The following SPAG17 variants were observed in gnomAD, a reference collection of about 807,000 sequenced individuals.
SPAG17 encodes sperm associated antigen 17.
SPAG17 carries 169 observed loss-of-function variants against 273.6 expected under a neutral mutation model. The observed-to-expected ratio is 0.62, with a 90% CI of 0.55 to 0.70. The LOEUF (loss-of-function observed/expected upper bound fraction) is 0.70. Among genes scored for constraint, SPAG17 ranks in the 30% least tolerant of loss-of-function variants. The probability of loss-of-function intolerance (pLI) is 0.00; values close to 1 mark genes in which losing one functional copy is unlikely to be tolerated. For synonymous variants in SPAG17, 825 were observed against 873.2 expected, an observed-to-expected ratio of 0.94 and a Z score of 0.97; for missense variants, 2,557 against 2,627.8, an observed-to-expected ratio of 0.97 and a Z score of 0.59.
chr1:118,079,978 G>A (rs560923580), intron 15 of SPAG17, among the ~76,000 whole-genome samples: 65 of 152,224 alleles, frequency 4.3e-4, no homozygotes, highest in Non-Finnish European at 7.6e-4. Context: ...TCACTAAGAC[G>A]CTATGGTATA....
chr1:118,149,638 T>A (rs1241296674), intron 3 of SPAG17, among the ~76,000 whole-genome samples: 2 of 152,180 alleles, frequency 1.3e-5, no homozygotes, highest in Admixed American at 1.3e-4. Context: ...TGTGAATAAA[T>A]CCAATGAAAC....
intron 25 of SPAG17, 89 bp downstream of exon 25, chr1:118,031,603 A>C (rs1290654928): frequency 1.9e-5 from 25 of 1,329,364 alleles, no homozygotes; most frequent in Non-Finnish European, 2.6e-5. Flanking sequence ...TATGCACTAT[A>C]ATAACACTAT....
intron 20 of SPAG17, 68 bp downstream of exon 20, chr1:118,053,934 C>A: frequency 8.4e-7 from 1 of 1,190,726 alleles, no homozygotes; most frequent in South Asian, 1.4e-5. Flanking sequence ...GCCCCAAAGT[C>A]AACCACTATC....
Position 118,093,331 on chromosome 1 carries a change from A to G in SPAG17, c.1012-14T>C. 6.3e-7 allele frequency: 1 copy of G among 1,594,180 alleles called. No individual in the cohort carries two copies. Among genetic ancestry groups the G allele is most frequent in the Non-Finnish European group, 8.6e-7 (1 of 1,169,066 alleles). On this transcript the variant is annotated splice_polypyrimidine_tract_variant and intron_variant, in intron 7 of 48. Coordinates refer to ENST00000336338, the MANE Select transcript of SPAG17 (RefSeq NM_206996.4). ...GCCCAATTTCAGCTACAAGTGAGAG[A>G]TTTAATGGCAATTGGTTACTAGTTT...
At chr1:117,999,651 T>G (rs559579651) in intron 32 of SPAG17, among the ~76,000 whole-genome samples, 1 of 152,358 alleles carries the variant, frequency 6.6e-6, no homozygotes, top group South Asian at 2.1e-4. Context: ...GTTCATATCC[T>G]GTGCCCACTT....
intron 1 of SPAG17, among the ~76,000 whole-genome samples, chr1:118,159,015 C>T (rs1570800769): frequency 6.6e-6 from 1 of 152,206 alleles, no homozygotes; most frequent in Admixed American, 6.5e-5. Flanking sequence ...GTTTCTTGAA[C>T]TTAGCAGCCA....
At chr1:118,166,444 G>A (rs1660174069) in intron 1 of SPAG17, among the ~76,000 whole-genome samples, 1 of 152,138 alleles carries the variant, frequency 6.6e-6, no homozygotes, top group South Asian at 2.1e-4. Context: ...TGTTAACAGT[G>A]GGGATCCCTG....
At chr1:118,166,188 C>T (rs1040273360) in intron 1 of SPAG17, among the ~76,000 whole-genome samples, 1 of 152,062 alleles carries the variant, frequency 6.6e-6, no homozygotes, top group Non-Finnish European at 1.5e-5. Flanking sequence ...CCACCCAAAC[C>T]GGCACATTAC....
chr1:118,115,523 A>C, intron 3 of SPAG17, 82 bp from the exon 4 acceptor site: 7 of 1,367,446 alleles, frequency 5.1e-6, no homozygotes, highest in Non-Finnish European at 6.9e-6. Context: ...GATGAAAGGA[A>C]ATTTTATATT....
intron 42 of SPAG17, among the ~76,000 whole-genome samples, chr1:117,981,786 T>A (rs1655847347): frequency 6.6e-6 from 1 of 152,218 alleles, no homozygotes; most frequent in African/African-American, 2.4e-5. Flanking sequence ...ATTTCCAAAC[T>A]TAAATTCATT....
rs1449771835 is a variant in SPAG17 at position 117,994,675 on chromosome 1, C to A, written c.5054-145G>T. ...GAGACACAATGACTATACTTAGGAA[C>A]CTTACAATCAAATAAGAAGGATGAA... On this transcript the variant is annotated intron_variant, in intron 34 of 48. Transcript: ENST00000336338. 3.8e-6 allele frequency: 3 copies of A among 784,084 alleles called. No homozygotes were observed. In the African/African-American group the frequency reaches 5.3e-5, roughly 14 times the overall value. The allele number at this position is 784,084 out of a possible 1,614,324, so 48.6% of individuals were successfully genotyped here. A position where few individuals can be genotyped will look rare whatever the true frequency, so the allele number is the denominator to read the frequency against.
chr1:118,074,445 ATCT>A (rs1270522838), intron 16 of SPAG17, 91 bp downstream of exon 16: 13 of 1,033,812 alleles, frequency 1.3e-5, no homozygotes, highest in African/African-American at 4.7e-5. Flanking sequence ...CCTTCTAAGT[ATCT>A]TCTTTTTTCT....
intron 21 of SPAG17, among the ~76,000 whole-genome samples, chr1:118,041,209 A>G (rs1005303544): frequency 6.6e-6 from 1 of 152,168 alleles, no homozygotes. Context: ...TTAGGAGGTC[A>G]TATGTAGAAG....
In SPAG17 at chr1:117,966,539, T is replaced by G; in HGVS notation, c.6532+70A>C. 4 of 1,349,978 alleles carry G rather than the reference T, an allele frequency of 3.0e-6. No individual in the cohort carries two copies. In the South Asian group the frequency reaches 7.4e-5, roughly 25 times the overall value. 83.6% of individuals were successfully genotyped at this position (1,349,978 alleles called of 1,614,324 possible). On this transcript the variant is annotated intron_variant, in intron 47 of 48. Transcript: ENST00000336338. ...TAATAAAGTAGAGATGCATTTTGAC[T>G]TCCATGTTTTCCTCACTCGTGTAAT...
intron 6 of SPAG17, 24 bp from the exon 7 acceptor site, chr1:118,097,875 T>C (rs760774200): frequency 4.0e-6 from 6 of 1,502,258 alleles, no homozygotes; most frequent in African/African-American, 1.4e-5. Flanking sequence ...CATGTTTATA[T>C]TACCAAATGA....
chr1:118,020,202 T>C (rs1660367564), intron 28 of SPAG17, among the ~76,000 whole-genome samples: 1 of 152,180 alleles, frequency 6.6e-6, no homozygotes. Context: ...GCGGATCACT[T>C]TAGGTCAGGA....
intron 1 of SPAG17, among the ~76,000 whole-genome samples, chr1:118,169,868 G>A (rs1379996450): frequency 6.6e-6 from 1 of 152,066 alleles, no homozygotes; most frequent in East Asian, 1.9e-4. Flanking sequence ...TTGTCACTAA[G>A]CTATGTTTAA....
chr1:118,067,440 T>C (rs547108717), intron 17 of SPAG17, among the ~76,000 whole-genome samples: 6 of 152,140 alleles, frequency 3.9e-5, no homozygotes, highest in Non-Finnish European at 7.4e-5. Flanking sequence ...AGGCAGCAGA[T>C]AACCTGCTCT....
At chr1:118,084,041 G>C (rs17037868) in intron 13 of SPAG17, among the ~76,000 whole-genome samples, 11,550 of 152,126 alleles carry the variant, frequency 0.076, 608 homozygotes, top group East Asian at 0.27. Context: ...GAACAAAAAT[G>C]CTGTGCTGCG....
Sources: gnomAD v4.1 joint callset for allele counts (sites outside exome capture counted in the v4.1 genomes callset) on GRCh38, gnomAD v4.1.1 for gene constraint, MANE v1.5 for transcripts, NCBI Gene and HGNC (gene_info 2026-07-23, HGNC 2026-07-21) for gene names.